Variants in RAB28 observed in about 807,000 individuals in gnomAD.
RAB28 encodes the protein RAB28, member RAS oncogene family.
Under a neutral mutation model 31.7 loss-of-function variants are expected in RAB28, and 24 were observed. That is an observed-to-expected ratio of 0.76 (90% CI 0.55 to 1.06). The LOEUF (loss-of-function observed/expected upper bound fraction) is 1.06, where lower values mean the gene tolerates loss of function less well. Among genes scored for constraint, RAB28 ranks in the 50% least tolerant of loss-of-function variants. The pLI, the probability that RAB28 is intolerant of heterozygous loss-of-function variation, is 0.00. For missense variants in RAB28, 254 were observed against 258.5 expected (o/e 0.98, Z 0.12); for synonymous variants, 100 against 90.4 (o/e 1.11, Z -0.60).
intron 4 of RAB28, among the ~76,000 whole-genome samples, chr4:13,441,719 A>G (rs886612050): frequency 6.6e-6 from 1 of 152,238 alleles, no homozygotes; most frequent in Non-Finnish European, 1.5e-5. Flanking sequence ...TAACTGTAAA[A>G]GTAAAATCAA....
chr4:13,398,882 G>T (rs1213806148), intron 4 of RAB28, among the ~76,000 whole-genome samples: 1 of 151,734 alleles, frequency 6.6e-6, no homozygotes, highest in Non-Finnish European at 1.5e-5. Flanking sequence ...ATTATAATTA[G>T]CCCTACTGGA....
intron 4 of RAB28, among the ~76,000 whole-genome samples, chr4:13,444,000 C>T (rs970367576): frequency 2.7e-5 from 4 of 150,462 alleles, no homozygotes; most frequent in African/African-American, 4.9e-5. Context: ...TCCATGTTGT[C>T]AAAAATGACA....
chr4:13,416,310 C>A (rs924484748), intron 4 of RAB28, among the ~76,000 whole-genome samples: 2 of 152,200 alleles, frequency 1.3e-5, no homozygotes, highest in Non-Finnish European at 2.9e-5. Flanking sequence ...TGCAGCTTCA[C>A]TCCTGAGCCA....
intron 4 of RAB28, among the ~76,000 whole-genome samples, chr4:13,430,532 G>T (rs1228669472): frequency 6.6e-6 from 1 of 152,160 alleles, no homozygotes; most frequent in Non-Finnish European, 1.5e-5. Context: ...CACTATTGGT[G>T]GCGATTTGAG....
intron 3 of RAB28, among the ~76,000 whole-genome samples, chr4:13,465,690 A>G (rs1008503142): frequency 1.3e-5 from 2 of 151,708 alleles, no homozygotes; most frequent in Non-Finnish European, 2.9e-5. Flanking sequence ...TGGGTCAGAA[A>G]CTAAACTCTA....
chr4:13,469,016 G>A (rs1043440387), intron 3 of RAB28, among the ~76,000 whole-genome samples: 1 of 151,856 alleles, frequency 6.6e-6, no homozygotes, highest in Non-Finnish European at 1.5e-5. Context: ...TTGACTCTCA[G>A]GGCCTCTACT....
At chr4:13,407,366 A>G (rs1164330040) in intron 4 of RAB28, among the ~76,000 whole-genome samples, 1 of 152,048 alleles carries the variant, frequency 6.6e-6, no homozygotes, top group Non-Finnish European at 1.5e-5. Context: ...ATTGGTCTGT[A>G]TATCTGTTTT....
intron 6 of RAB28, among the ~76,000 whole-genome samples, chr4:13,373,044 T>C (rs1021968786): frequency 5.9e-5 from 9 of 152,118 alleles, no homozygotes; most frequent in African/African-American, 1.7e-4. Context: ...AGTTTATTAA[T>C]TGGCAAGTAA....
chr4:13,470,334 T>G (rs565762031), intron 3 of RAB28, among the ~76,000 whole-genome samples: 11 of 152,232 alleles, frequency 7.2e-5, no homozygotes, highest in African/African-American at 2.6e-4. Flanking sequence ...TAATCAGTTA[T>G]AAGTTGGCAA....
At chr4:13,381,267 G>T (rs1028623694) in intron 5 of RAB28, among the ~76,000 whole-genome samples, 22 of 151,662 alleles carry the variant, frequency 1.5e-4, no homozygotes, top group African/African-American at 5.3e-4. Flanking sequence ...CATTACGGGT[G>T]GTTTATATTC....
intron 4 of RAB28, among the ~76,000 whole-genome samples, chr4:13,431,756 A>G (rs1713817127): frequency 6.6e-6 from 1 of 152,096 alleles, no homozygotes; most frequent in African/African-American, 2.4e-5. Flanking sequence ...TATACACTAC[A>G]GTAATACCCT....
chr4:13,444,976 C>G (rs888718345), intron 4 of RAB28, among the ~76,000 whole-genome samples: 1 of 152,048 alleles, frequency 6.6e-6, no homozygotes, highest in African/African-American at 2.4e-5. Context: ...AGTGTTTTTC[C>G]CAACTTGGTT....
At chr4:13,450,443 T>C (rs996928893) in intron 4 of RAB28, among the ~76,000 whole-genome samples, 6 of 151,946 alleles carry the variant, frequency 3.9e-5, no homozygotes, top group Admixed American at 3.3e-4. Context: ...ATGGATTCCC[T>C]ATATCTACAT....
intron 4 of RAB28, among the ~76,000 whole-genome samples, chr4:13,430,574 G>A (rs1173110173): frequency 2.0e-5 from 3 of 152,220 alleles, no homozygotes; most frequent in Non-Finnish European, 2.9e-5. Context: ...CAGGTGACCA[G>A]CTTGCACAGA....
chr4:13,446,775 C>T (rs1413892393), intron 4 of RAB28, among the ~76,000 whole-genome samples: 1 of 152,138 alleles, frequency 6.6e-6, no homozygotes, highest in Non-Finnish European at 1.5e-5. Context: ...GAGCTGCAGA[C>T]AGGACCCTGT....
intron 2 of RAB28, among the ~76,000 whole-genome samples, chr4:13,477,928 A>G (rs1335377830): frequency 1.3e-5 from 2 of 151,608 alleles, no homozygotes; most frequent in African/African-American, 4.8e-5. Flanking sequence ...TTAATATTTG[A>G]GTAGGTACTT....
intron 6 of RAB28, chr4:13,370,633 A>G (rs1218337984): frequency 5.1e-6 from 5 of 984,500 alleles, no homozygotes; most frequent in African/African-American, 1.7e-5. Context: ...TATGCCATTT[A>G]CAATTTTTAT....
At chr4:13,472,275 T>C (rs1468410419) in intron 3 of RAB28, among the ~76,000 whole-genome samples, 1 of 151,936 alleles carries the variant, frequency 6.6e-6, no homozygotes, top group Admixed American at 6.6e-5. Context: ...TGCCTCTCAG[T>C]TAGCTGAGAT....
chr4:13,461,197 G>A (rs1210659241), intron 3 of RAB28, among the ~76,000 whole-genome samples: 1 of 152,132 alleles, frequency 6.6e-6, no homozygotes, highest in Non-Finnish European at 1.5e-5. Flanking sequence ...ATGAGGTCAA[G>A]CATTTAAACC....
Sources: gnomAD v4.1 joint callset for allele counts (sites outside exome capture counted in the v4.1 genomes callset) on GRCh38, gnomAD v4.1.1 for gene constraint, MANE v1.5 for transcripts, NCBI Gene and HGNC (gene_info 2026-07-23, HGNC 2026-07-21) for gene names.